SESTD1: variants seen among roughly 807,000 people sequenced by gnomAD.
The protein encoded by SESTD1 is SEC14 and spectrin domain containing 1, also known as SEC14 domain and spectrin repeat-containing protein 1.
In SESTD1, 43 loss-of-function variants were observed where a neutral mutation model predicts 101.7. That is an observed-to-expected ratio of 0.42 (90% CI 0.33 to 0.55). SESTD1 has a LOEUF of 0.55. Ranked by LOEUF, SESTD1 falls within the 20% of genes least tolerant of loss-of-function variation. The pLI is 0.07. For missense variants in SESTD1, 647 were observed against 815.1 expected, an observed-to-expected ratio of 0.79 and a Z score of 2.51; for synonymous variants, 283 against 286.8, an observed-to-expected ratio of 0.99 and a Z score of 0.13.
At chr2:179,230,295 C>A (rs945389734) in intron 1 of SESTD1, among the ~76,000 whole-genome samples, 1 of 151,662 alleles carries the variant, frequency 6.6e-6, no homozygotes, top group Non-Finnish European at 1.5e-5. Flanking sequence ...ACCACCATAT[C>A]CGGCTAATTT....
At chr2:179,246,182 G>A (rs941568447) in intron 1 of SESTD1, among the ~76,000 whole-genome samples, 1 of 143,132 alleles carries the variant, frequency 7.0e-6, no homozygotes, top group African/African-American at 2.6e-5. Flanking sequence ...TTGAACACAA[G>A]AGGCAGAGGT....
chr2:179,127,481 T>C (rs569610623), intron 10 of SESTD1, among the ~76,000 whole-genome samples: 1 of 152,344 alleles, frequency 6.6e-6, no homozygotes, highest in East Asian at 1.9e-4. Context: ...TTAATCACTG[T>C]AGATTTACTG....
intron 1 of SESTD1, among the ~76,000 whole-genome samples, chr2:179,234,530 C>A (rs1479801678): frequency 6.6e-6 from 1 of 152,180 alleles, no homozygotes; most frequent in East Asian, 1.9e-4. Context: ...GCAATCCCAG[C>A]ACTTTGTGGG....
At chr2:179,197,826 G>C (rs1182431691) in intron 1 of SESTD1, among the ~76,000 whole-genome samples, 2 of 151,974 alleles carry the variant, frequency 1.3e-5, no homozygotes, top group South Asian at 4.2e-4. Flanking sequence ...ACATGGAAAG[G>C]AACAACCGGT....
chr2:179,174,238 G>A (rs539963622), intron 4 of SESTD1, among the ~76,000 whole-genome samples: 2 of 152,218 alleles, frequency 1.3e-5, no homozygotes, highest in East Asian at 3.9e-4. Flanking sequence ...CAGTACCTTC[G>A]GAGATGAAAG....
intron 2 of SESTD1, among the ~76,000 whole-genome samples, chr2:179,187,526 C>A (rs12328593): frequency 2.6e-5 from 4 of 152,076 alleles, no homozygotes; most frequent in African/African-American, 9.7e-5. Flanking sequence ...CCCAGCTAGT[C>A]GAAAGGCTGA....
intron 9 of SESTD1, among the ~76,000 whole-genome samples, chr2:179,132,784 ATCAG>A (rs1443994824): frequency 6.6e-6 from 1 of 152,242 alleles, no homozygotes; most frequent in Admixed American, 6.5e-5. Flanking sequence ...CAGAAATGAT[ATCAG>A]TCAAAGTTCT....
At chr2:179,159,366 T>C (rs1344381949) in intron 5 of SESTD1, among the ~76,000 whole-genome samples, 2 of 152,126 alleles carry the variant, frequency 1.3e-5, no homozygotes, top group African/African-American at 4.8e-5. Context: ...ACAATTCAAC[T>C]CCACTCCAAT....
chr2:179,192,334 T>A (rs1407052126), intron 1 of SESTD1, among the ~76,000 whole-genome samples: 2 of 152,242 alleles, frequency 1.3e-5, no homozygotes, highest in Non-Finnish European at 2.9e-5. Context: ...TCTGATTCTT[T>A]CCATTTCACT....
rs182417800 is a variant in SESTD1, at chr2:179,216,179, A to G, written c.-25-24313T>C. On this transcript the variant is annotated intron_variant, in intron 1 of 17. Transcript: ENST00000428443. Reference sequence around the variant, plus strand: ...AAGAAATAAAGGGTATTCAACTAGGAAAAGAGGAAGTCAAATTGCCCCTGT... The same window carrying G: ...AAGAAATAAAGGGTATTCAACTAGGGAAAGAGGAAGTCAAATTGCCCCTGT... 6.4e-4 allele frequency among the ~76,000 whole-genome samples: 87 copies of G among 134,930 alleles called. 15 individuals carry two copies. Among genetic ancestry groups the G allele is most frequent in the Admixed American group, 2.4e-3 (33 of 13,904 alleles). 88.5% of individuals were successfully genotyped at this position (134,930 alleles called of 152,430 possible). A position where few individuals can be genotyped will look rare whatever the true frequency, so the allele number is the denominator to read the frequency against.
At chr2:179,121,100 T>C (rs751111515) in intron 13 of SESTD1, among the ~76,000 whole-genome samples, 9 of 152,210 alleles carry the variant, frequency 5.9e-5, no homozygotes, top group Non-Finnish European at 1.2e-4. Flanking sequence ...TTCTGCCTCA[T>C]GACTGTTTTC....
At chr2:179,222,222 T>C (rs1355553126) in intron 1 of SESTD1, among the ~76,000 whole-genome samples, 1 of 152,104 alleles carries the variant, frequency 6.6e-6, no homozygotes, top group Non-Finnish European at 1.5e-5. Context: ...CTCCCTGAAA[T>C]AAAGTTTAGT....
rs778759451 is a variant in SESTD1 at position 179,206,725 on chromosome 2, C to G, written c.-25-14859G>C. 2.2e-4 allele frequency among the ~76,000 whole-genome samples: 30 copies of G among 135,186 alleles called. 4 individuals are homozygous for G. Among genetic ancestry groups the G allele is most frequent in the Admixed American group, 7.2e-4 (10 of 13,946 alleles). The allele number at this position is 135,186 out of a possible 152,430, so 88.7% of individuals were successfully genotyped here. A position where few individuals can be genotyped will look rare whatever the true frequency, so the allele number is the denominator to read the frequency against. On this transcript the variant is annotated intron_variant, in intron 1 of 17. Transcript: ENST00000428443. ...GCAGATACAAGCACAGAAGCCACAG[C>G]TGACCATGCAGGTGGGCAGGCAGGG...
chr2:179,264,198 C>A (rs2047524006), intron 1 of SESTD1: 1 of 151,724 alleles, frequency 6.6e-6, no homozygotes, highest in Non-Finnish European at 1.5e-5. Flanking sequence ...CCGGTCTCTG[C>A]GGGCCGCGGC....
intron 7 of SESTD1, among the ~76,000 whole-genome samples, chr2:179,149,059 C>CAAAAAAAAAAAAAAAAAAAA (rs66636048): frequency 1.7e-5 from 1 of 60,410 alleles, no homozygotes; most frequent in African/African-American, 5.7e-5. Flanking sequence ...GACTCCGTCT[C>CAAAAAAAAAAAAAAAAAAAA]AAAAAAAAAA....
chr2:179,143,763 A>G lies in SESTD1; in HGVS notation c.678T>C (p.Asn226=), dbSNP rs2045333298. The G allele has an allele frequency of 6.2e-7, 1 of 1,613,864 alleles. No individual in the cohort carries two copies. The highest frequency in any genetic ancestry group is 1.3e-5 in the African/African-American group (1 of 74,914). Residue 226 remains asparagine (N), a synonymous_variant, in exon 9 of 18, where the codon AAT becomes AAC. Coordinates refer to ENST00000428443, the MANE Select transcript of SESTD1 (RefSeq NM_178123.5). ...LLSELQQRRF[N]GSDGGVSWSP... ...ACCATGAAACCCCTCCGTCTGAGCC[A>G]TTAAATCGACGCTGCTGTAATTCGG...
chr2:179,127,849 T>C (rs1191885648), intron 10 of SESTD1, among the ~76,000 whole-genome samples: 8 of 152,222 alleles, frequency 5.3e-5, no homozygotes, highest in Non-Finnish European at 1.0e-4. Context: ...TATTTTAAAG[T>C]AGAAAATATT....
At position 179,135,233 on chromosome 2, in the gene SESTD1, G is replaced by GC. The variant is rs200917122; in HGVS notation, c.850-2808dup. On this transcript the variant is annotated intron_variant, in intron 9 of 17. Transcript: ENST00000428443. The stretch of plus-strand genomic sequence containing the variant: ...GCTGGGATTACAGGTGTGAGCCACC[G>GC]CCCCCCGGCCCAAACTGACTATTGT... Among the ~76,000 whole-genome samples, 632 of 151,982 alleles carry GC rather than the reference G, an allele frequency of 4.2e-3. 10 individuals carry two copies. The highest frequency in any genetic ancestry group is 0.014 in the African/African-American group (596 of 41,480).
chr2:179,169,974 C>CAA (rs35057148), intron 5 of SESTD1, among the ~76,000 whole-genome samples: 10 of 82,028 alleles, frequency 1.2e-4, no homozygotes, highest in South Asian at 4.6e-4. Context: ...AACTCCATCT[C>CAA]AAAAAAAAAA....
Sources: gnomAD v4.1 joint callset for allele counts (sites outside exome capture counted in the v4.1 genomes callset) on GRCh38, gnomAD v4.1.1 for gene constraint, MANE v1.5 for transcripts, NCBI Gene and HGNC (gene_info 2026-07-23, HGNC 2026-07-21) for gene names.